ROBO2: variants seen among roughly 807,000 people sequenced by gnomAD.
The protein encoded by ROBO2 is roundabout guidance receptor 2, also known as roundabout homolog 2.
ROBO2 carries 53 observed loss-of-function variants against 160.8 expected under a neutral mutation model. The observed-to-expected ratio is 0.33, with a 90% confidence interval of 0.26 to 0.41. The LOEUF is 0.41. Ranked by LOEUF, ROBO2 falls within the 10% of genes least tolerant of loss-of-function variation. The pLI, the probability that ROBO2 is intolerant of heterozygous loss-of-function variation, is 1.00. For missense variants in ROBO2, 1,577 were observed against 1,722.4 expected, an observed-to-expected ratio of 0.92 and a Z score of 1.49; for synonymous variants, 664 against 611.7, an observed-to-expected ratio of 1.09 and a Z score of -1.26.
At chr3:77,422,439 G>A (rs2077794952) in intron 2 of ROBO2, among the ~76,000 whole-genome samples, 1 of 152,040 alleles carries the variant, frequency 6.6e-6, no homozygotes. Context: ...ACAAATTGTT[G>A]CACAAGGTGG....
chr3:76,069,971 C>T (rs2068392088), intron 2 of ROBO2, among the ~76,000 whole-genome samples: 1 of 152,158 alleles, frequency 6.6e-6, no homozygotes, highest in South Asian at 2.1e-4. Flanking sequence ...TTATCACTTC[C>T]CCAATCAATA....
At chr3:76,102,568 T>C (rs762810200) in intron 2 of ROBO2, among the ~76,000 whole-genome samples, 1 of 152,180 alleles carries the variant, frequency 6.6e-6, no homozygotes, top group South Asian at 2.1e-4. Context: ...TGTTTCAAGA[T>C]AAAATGTTCT....
At chr3:76,189,659 C>G (rs1437737801) in intron 2 of ROBO2, among the ~76,000 whole-genome samples, 2 of 152,044 alleles carry the variant, frequency 1.3e-5, no homozygotes. Context: ...TTATGCCCAA[C>G]TTAAAACCTG....
intron 2 of ROBO2, among the ~76,000 whole-genome samples, chr3:77,301,154 C>A (rs888692264): frequency 2.0e-5 from 3 of 152,000 alleles, no homozygotes; most frequent in African/African-American, 7.3e-5. Context: ...CAGGCATGAA[C>A]CACTGTGTCC....
intron 2 of ROBO2, among the ~76,000 whole-genome samples, chr3:76,571,781 G>A (rs1334155698): frequency 6.6e-6 from 1 of 152,044 alleles, no homozygotes; most frequent in Non-Finnish European, 1.5e-5. Context: ...GAAAAAAAAT[G>A]TCACATTTTA....
At chr3:76,973,332 T>A (rs1342577417) in intron 2 of ROBO2, among the ~76,000 whole-genome samples, 1 of 152,150 alleles carries the variant, frequency 6.6e-6, no homozygotes, top group Non-Finnish European at 1.5e-5. Context: ...ATTTCTTACT[T>A]CAGGTTATTA....
chr3:76,003,756 T>TC (rs1324577776), intron 2 of ROBO2, among the ~76,000 whole-genome samples: 1 of 152,236 alleles, frequency 6.6e-6, no homozygotes, highest in Non-Finnish European at 1.5e-5. Flanking sequence ...GGTTTTGGCA[T>TC]CCATCAGGGT....
chr3:76,818,446 G>T (rs1254277559), intron 2 of ROBO2, among the ~76,000 whole-genome samples: 10 of 151,884 alleles, frequency 6.6e-5, no homozygotes, highest in Non-Finnish European at 2.9e-5. Flanking sequence ...TCTGTGGGTT[G>T]TCTTTTTACT....
intron 2 of ROBO2, among the ~76,000 whole-genome samples, chr3:77,254,431 A>C (rs2090709719): frequency 6.7e-6 from 1 of 148,668 alleles, no homozygotes; most frequent in East Asian, 2.3e-4. Flanking sequence ...TTAAGCAATT[A>C]AAATACTTCT....
intron 2 of ROBO2, among the ~76,000 whole-genome samples, chr3:77,148,951 G>A (rs964096486): frequency 2.6e-5 from 4 of 151,882 alleles, no homozygotes; most frequent in African/African-American, 9.7e-5. Flanking sequence ...TTACACAACA[G>A]TAATCTGCTT....
chr3:76,264,331 G>GTT (rs5850243), intron 2 of ROBO2, among the ~76,000 whole-genome samples: 298 of 146,824 alleles, frequency 2.0e-3, no homozygotes, highest in Middle Eastern at 3.6e-3. Flanking sequence ...ATTGTCTCTA[G>GTT]TTTTTTTTTT....
At chr3:76,198,814 T>C (rs1702382695) in intron 2 of ROBO2, among the ~76,000 whole-genome samples, 1 of 152,168 alleles carries the variant, frequency 6.6e-6, no homozygotes, top group South Asian at 2.1e-4. Context: ...AGAAATTCTT[T>C]TAGTTCACCT....
At chr3:76,899,506 C>A (rs2075068670) in intron 2 of ROBO2, among the ~76,000 whole-genome samples, 1 of 152,116 alleles carries the variant, frequency 6.6e-6, no homozygotes, top group Admixed American at 6.6e-5. Flanking sequence ...GTAGGACTAA[C>A]ATTTCCAAGT....
chr3:77,047,447 G>A (rs1026945650), intron 1 of ROBO2, among the ~76,000 whole-genome samples: 1 of 151,950 alleles, frequency 6.6e-6, no homozygotes, highest in African/African-American at 2.4e-5. Flanking sequence ...CACTTTGGGA[G>A]GGTGAGGTGT....
At chr3:76,318,693 A>C (rs1400430483) in intron 2 of ROBO2, among the ~76,000 whole-genome samples, 1 of 152,128 alleles carries the variant, frequency 6.6e-6, no homozygotes, top group Non-Finnish European at 1.5e-5. Flanking sequence ...TTTTTGCTTC[A>C]GGGTGGACCA....
intron 2 of ROBO2, among the ~76,000 whole-genome samples, chr3:76,352,866 A>G (rs566763047): frequency 1.2e-4 from 18 of 152,174 alleles, no homozygotes; most frequent in African/African-American, 4.1e-4. Flanking sequence ...ATAACTAACA[A>G]TTAGATTACC....
At chr3:76,669,221 C>G (rs974957430) in intron 2 of ROBO2, among the ~76,000 whole-genome samples, 1 of 152,062 alleles carries the variant, frequency 6.6e-6, no homozygotes, top group African/African-American at 2.4e-5. Context: ...GGGGTGAAAT[C>G]TGATGAGAAG....
At position 77,587,601 on chromosome 3, in the gene ROBO2, G is replaced by T. The variant is rs775737; in HGVS notation, c.2501-1150G>T. Among the ~76,000 whole-genome samples, 6 of 151,814 alleles carry T rather than the reference G, an allele frequency of 4.0e-5. No homozygotes were observed. The East Asian group carries it at 9.8e-4, about 25-fold the overall frequency. On this transcript the variant is annotated intron_variant, in intron 16 of 25. Transcript: ENST00000461745. Reference sequence around the variant, plus strand: ...CAATACTGGTGCCAACTAATTGACAGGGGCTCTAGAAGATTTAGTGCCCTA... The same window carrying T: ...CAATACTGGTGCCAACTAATTGACATGGGCTCTAGAAGATTTAGTGCCCTA...
At chr3:76,980,258 T>C (rs1559794425) in intron 2 of ROBO2, among the ~76,000 whole-genome samples, 1 of 152,192 alleles carries the variant, frequency 6.6e-6, no homozygotes, top group Non-Finnish European at 1.5e-5. Context: ...TAAACCACAA[T>C]GGGCCTAAGT....
Sources: gnomAD v4.1 joint callset for allele counts (sites outside exome capture counted in the v4.1 genomes callset) on GRCh38, gnomAD v4.1.1 for gene constraint, MANE v1.5 for transcripts, NCBI Gene and HGNC (gene_info 2026-07-23, HGNC 2026-07-21) for gene names.